The following NUP210 variants were observed in gnomAD, a reference collection of about 807,000 sequenced individuals.
NUP210 encodes the protein nuclear pore membrane glycoprotein 210.
Under a neutral mutation model 196.0 loss-of-function variants are expected in NUP210, and 151 were observed. That is an observed-to-expected ratio of 0.77 (90% CI 0.67 to 0.88). The LOEUF (loss-of-function observed/expected upper bound fraction) is 0.88. NUP210 is among the 40% of genes least tolerant of loss of function. The probability of loss-of-function intolerance (pLI) is 0.00; values close to 1 mark genes in which losing one functional copy is unlikely to be tolerated. For synonymous variants in NUP210, 1,070 were observed against 1,052.7 expected, an observed-to-expected ratio of 1.02 and a Z score of -0.32; for missense variants, 2,314 against 2,493.7, an observed-to-expected ratio of 0.93 and a Z score of 1.53.
intron 20 of NUP210, 105 bp from the exon 21 acceptor site, chr3:13,343,408 T>A: frequency 7.1e-7 from 1 of 1,398,786 alleles, no homozygotes; most frequent in Non-Finnish European, 9.7e-7. Flanking sequence ...AGCACCAGCC[T>A]ATCACCTCAT....
At chr3:13,406,681 G>C (rs963264067) in intron 1 of NUP210, among the ~76,000 whole-genome samples, 2 of 152,186 alleles carry the variant, frequency 1.3e-5, no homozygotes, top group African/African-American at 4.8e-5. Context: ...ACTTTTCTGA[G>C]GAAAAGCCCT....
intron 1 of NUP210, among the ~76,000 whole-genome samples, chr3:13,418,789 AAAAAC>A (rs1306964789): frequency 6.6e-6 from 1 of 151,400 alleles, no homozygotes; most frequent in Non-Finnish European, 1.5e-5. Context: ...AGTGCACTCT[AAAAAC>A]AAACAAACAA....
intron 28 of NUP210, among the ~76,000 whole-genome samples, chr3:13,333,945 GA>G (rs1230481596): frequency 6.6e-6 from 1 of 152,224 alleles, no homozygotes; most frequent in East Asian, 1.9e-4. Flanking sequence ...CTGTCAGGGA[GA>G]AAACAGGGAG....
At position 13,343,159 on chromosome 3, in the gene NUP210, T is replaced by C. The variant is rs2124864260; in HGVS notation, c.2964+16A>G. ...CAGGTCAGCCGAGGGTGCCCCGTCA[T>C]GAAGCTTCCACTGACCTTGTCAACC... On this transcript the variant is annotated intron_variant, in intron 21 of 39. Transcript: ENST00000254508. 2 of 1,613,842 alleles carry C rather than the reference T, an allele frequency of 1.2e-6. No homozygotes were observed. The highest frequency in any genetic ancestry group is 2.2e-5 in the East Asian group (1 of 44,874).
At chr3:13,346,688 AG>A (rs1697744074) in intron 20 of NUP210, among the ~76,000 whole-genome samples, 1 of 152,208 alleles carries the variant, frequency 6.6e-6, no homozygotes, top group Admixed American at 6.5e-5. Context: ...ATCACATTTC[AG>A]ATTTGTCCCG....
intron 13 of NUP210, among the ~76,000 whole-genome samples, chr3:13,368,204 T>G (rs758267020): frequency 3.3e-5 from 5 of 152,138 alleles, no homozygotes; most frequent in Non-Finnish European, 7.3e-5. Flanking sequence ...GCCTCCTGAT[T>G]AGTTGGGACT....
intron 13 of NUP210, among the ~76,000 whole-genome samples, chr3:13,369,013 T>C (rs1211616269): frequency 6.6e-6 from 1 of 152,208 alleles, no homozygotes. Context: ...ACCACCATAC[T>C]GCTTTCCACA....
intron 4 of NUP210, among the ~76,000 whole-genome samples, 182 bp downstream of exon 4, chr3:13,391,029 C>A (rs1476353954): frequency 6.6e-6 from 1 of 152,210 alleles, no homozygotes; most frequent in Non-Finnish European, 1.5e-5. Context: ...AGCCAGGCTC[C>A]CGCACAATGG....
intron 1 of NUP210, among the ~76,000 whole-genome samples, chr3:13,408,117 T>C (rs1293607390): frequency 6.6e-6 from 1 of 152,204 alleles, no homozygotes; most frequent in Non-Finnish European, 1.5e-5. Context: ...TGAATGTTCA[T>C]CCATGGAGAC....
At chr3:13,338,043 C>T (rs1697297822) in intron 25 of NUP210, 126 bp from the exon 26 acceptor site, 1 of 810,540 alleles carries the variant, frequency 1.2e-6, no homozygotes, top group Admixed American at 2.5e-5. Flanking sequence ...CTCAGGATGA[C>T]CAGCACCATG....
chr3:13,343,342 G>GGGGGGGGGGGGGGGGGGGGC, intron 20 of NUP210, 39 bp from the exon 21 acceptor site: 5 of 655,992 alleles, frequency 7.6e-6, no homozygotes, highest in Admixed American at 2.5e-5. Context: ...TGGGTGGTGG[G>GGGGGGGGGGGGGGGGGGGGC]TTACGCAGCT....
At chr3:13,403,180 A>G (rs1442853063) in intron 1 of NUP210, among the ~76,000 whole-genome samples, 1 of 152,196 alleles carries the variant, frequency 6.6e-6, no homozygotes, top group Admixed American at 6.5e-5. Context: ...TCACAGTCAC[A>G]CGTCTTAGTC....
At chr3:13,419,524 C>G (rs1025479010) in intron 1 of NUP210, among the ~76,000 whole-genome samples, 3 of 152,228 alleles carry the variant, frequency 2.0e-5, no homozygotes, top group Non-Finnish European at 2.9e-5. Flanking sequence ...CACTTCGCCT[C>G]TGTAAAGCGG....
At chr3:13,327,045 C>T (rs1033026539) in intron 32 of NUP210, among the ~76,000 whole-genome samples, 172 bp downstream of exon 32, 3 of 152,266 alleles carry the variant, frequency 2.0e-5, no homozygotes, top group African/African-American at 7.2e-5. Context: ...AGAAAACAGG[C>T]ACAGGCTGGA....
intron 20 of NUP210, among the ~76,000 whole-genome samples, chr3:13,345,527 C>T (rs1697687382): frequency 6.6e-6 from 1 of 152,236 alleles, no homozygotes; most frequent in South Asian, 2.1e-4. Flanking sequence ...AGAGCCCAAG[C>T]CCACAGCTGG....
chr3:13,341,138 A>T (rs186174624), intron 23 of NUP210: 10 of 152,468 alleles, frequency 6.6e-5, no homozygotes, highest in Admixed American at 4.6e-4. Flanking sequence ...CTGTGAATAG[A>T]CTTAAAACAA....
At chr3:13,385,076 T>A (rs555220478) in intron 6 of NUP210, among the ~76,000 whole-genome samples, 1 of 152,300 alleles carries the variant, frequency 6.6e-6, no homozygotes, top group South Asian at 2.1e-4. Flanking sequence ...CAGAAAGAAC[T>A]GGGCCCAAAG....
intron 26 of NUP210, 160 bp from the exon 27 acceptor site, chr3:13,337,078 C>G: frequency 2.4e-6 from 2 of 816,462 alleles, no homozygotes; most frequent in Non-Finnish European, 3.8e-6. Context: ...AAATATCAAA[C>G]GAGCAAACCA....
chr3:13,354,872 G>T (rs1022959778), intron 16 of NUP210, among the ~76,000 whole-genome samples: 7 of 152,216 alleles, frequency 4.6e-5, no homozygotes, highest in Non-Finnish European at 1.0e-4. Context: ...ACCACTCTGG[G>T]GTGATCTCTC....
Sources: allele counts gnomAD v4.1 joint callset (sites outside exome capture counted in the v4.1 genomes callset), GRCh38; gene constraint gnomAD v4.1.1; transcripts MANE v1.5; gene names NCBI Gene and HGNC (gene_info 2026-07-23, HGNC 2026-07-21).